TMPRSS11A: variants seen among roughly 807,000 people sequenced by gnomAD.
The protein encoded by TMPRSS11A is transmembrane protease serine 11A.
In TMPRSS11A, 53 loss-of-function variants were observed where a neutral mutation model predicts 58.9. The observed-to-expected ratio is 0.90, with a 90% CI of 0.72 to 1.13. The LOEUF (loss-of-function observed/expected upper bound fraction) is 1.13. Ranked by LOEUF, TMPRSS11A falls within the 50% of genes most tolerant of loss-of-function variation. The probability of loss-of-function intolerance (pLI) is 0.00; values close to 1 mark genes in which losing one functional copy is unlikely to be tolerated. For missense variants in TMPRSS11A, 493 were observed against 499.3 expected, an observed-to-expected ratio of 0.99 and a Z score of 0.12; for synonymous variants, 167 against 169.8, an observed-to-expected ratio of 0.98 and a Z score of 0.13.
chr4:67,945,095 T>C (rs1337992494), intron 2 of TMPRSS11A, among the ~76,000 whole-genome samples: 2 of 152,176 alleles, frequency 1.3e-5, no homozygotes, highest in Non-Finnish European at 2.9e-5. Context: ...GTGAATGTCC[T>C]TGTGAATTTT....
intron 7 of TMPRSS11A, among the ~76,000 whole-genome samples, chr4:67,921,155 A>G (rs1357957658): frequency 6.6e-6 from 1 of 152,168 alleles, no homozygotes; most frequent in African/African-American, 2.4e-5. Context: ...CAATGCTATA[A>G]AGATATTTGC....
At chr4:67,920,566 C>T (rs945239852) in intron 7 of TMPRSS11A, among the ~76,000 whole-genome samples, 9 of 134,676 alleles carry the variant, frequency 6.7e-5, no homozygotes, top group South Asian at 5.1e-4. Flanking sequence ...TTTATATATA[C>T]ACACACACAT....
rs1577855684 is a variant in TMPRSS11A at position 67,924,268 on chromosome 4, A to G, written c.482-102T>C. 9.5e-6 allele frequency: 9 copies of G among 943,076 alleles called. No individual in the cohort carries two copies. The East Asian group carries it at 2.2e-4, about 23-fold the overall frequency. The allele number at this position is 943,076 out of a possible 1,614,324, so 58.4% of individuals were successfully genotyped here. A position where few individuals can be genotyped will look rare whatever the true frequency, so the allele number is the denominator to read the frequency against. On this transcript the variant is annotated intron_variant, in intron 5 of 9. Coordinates refer to ENST00000508048, the MANE Select transcript of TMPRSS11A (RefSeq NM_001114387.2). ...GATACTGACCATATATGGATTCTAG[A>G]CAGTTGAACATATAGATTAATTAGG...
At chr4:67,948,645 A>G (rs1020166251) in intron 1 of TMPRSS11A, among the ~76,000 whole-genome samples, 2 of 152,220 alleles carry the variant, frequency 1.3e-5, no homozygotes, top group Non-Finnish European at 2.9e-5. Context: ...AAAATAATCT[A>G]GAGAACTGGC....
chr4:67,920,283 C>G (rs189536), intron 7 of TMPRSS11A, among the ~76,000 whole-genome samples: 13,900 of 152,024 alleles, frequency 0.091, 830 homozygotes, highest in African/African-American at 0.16. Flanking sequence ...CATCACATAT[C>G]TGCCTGCCTC....
intron 5 of TMPRSS11A, 64 bp downstream of exon 5, chr4:67,929,816 T>G: frequency 2.0e-4 from 263 of 1,318,608 alleles, no homozygotes; most frequent in Non-Finnish European, 2.5e-4. Context: ...CAAATAAATT[T>G]GAGATTCGTC....
intron 3 of TMPRSS11A, among the ~76,000 whole-genome samples, chr4:67,943,569 C>T (rs912309867): frequency 6.6e-6 from 1 of 152,114 alleles, no homozygotes; most frequent in Non-Finnish European, 1.5e-5. Flanking sequence ...ATTGCAAATG[C>T]TCTTTTATAA....
intron 3 of TMPRSS11A, 35 bp from the exon 4 acceptor site, chr4:67,932,095 A>C: frequency 8.1e-7 from 1 of 1,229,458 alleles, no homozygotes; most frequent in Non-Finnish European, 1.2e-6. Context: ...ATGTGTTAAT[A>C]ATATATTTTA....
At chr4:67,925,811 A>T (rs546125487) in intron 5 of TMPRSS11A, among the ~76,000 whole-genome samples, 20 of 152,346 alleles carry the variant, frequency 1.3e-4, no homozygotes, top group African/African-American at 4.8e-4. Flanking sequence ...TCTGAGCAGG[A>T]TGCAAGTTAG....
At chr4:67,924,309 T>C (rs1469434611) in intron 5 of TMPRSS11A, 143 bp from the exon 6 acceptor site, 5 of 733,384 alleles carry the variant, frequency 6.8e-6, no homozygotes, top group African/African-American at 1.7e-5. Flanking sequence ...GGCTATCTGA[T>C]ATAACAACAT....
chr4:67,930,355 G>C (rs140224184), intron 4 of TMPRSS11A, among the ~76,000 whole-genome samples: 1 of 152,276 alleles, frequency 6.6e-6, no homozygotes, highest in Non-Finnish European at 1.5e-5. Context: ...CTAATCAATT[G>C]TATATTTGAT....
At chr4:67,913,378 C>A (rs1174302812) in intron 9 of TMPRSS11A, among the ~76,000 whole-genome samples, 2 of 152,180 alleles carry the variant, frequency 1.3e-5, no homozygotes, top group Non-Finnish European at 2.9e-5. Context: ...GCCCCAATTA[C>A]AATCACTGTA....
At chr4:67,961,745 T>C (rs141737258) in intron 1 of TMPRSS11A, among the ~76,000 whole-genome samples, 1 of 152,176 alleles carries the variant, frequency 6.6e-6, no homozygotes, top group East Asian at 1.9e-4. Flanking sequence ...ACTCCTAGCC[T>C]CAAGTGATTT....
intron 1 of TMPRSS11A, 95 bp from the exon 2 acceptor site, chr4:67,946,666 C>A (rs535221696): frequency 2.8e-5 from 36 of 1,277,140 alleles, no homozygotes; most frequent in Middle Eastern, 2.0e-4. Context: ...TGTAGCCTAC[C>A]TTTCCCTGCA....
At chr4:67,945,384 C>T (rs1373432481) in intron 2 of TMPRSS11A, among the ~76,000 whole-genome samples, 2 of 152,054 alleles carry the variant, frequency 1.3e-5, no homozygotes, top group African/African-American at 4.8e-5. Flanking sequence ...GAGTGGGTTT[C>T]GAGACTACAA....
chr4:67,926,676 A>G (rs1238552921), intron 5 of TMPRSS11A, among the ~76,000 whole-genome samples: 1 of 152,110 alleles, frequency 6.6e-6, no homozygotes, highest in Non-Finnish European at 1.5e-5. Flanking sequence ...GCGTGGGGAG[A>G]AGGTGGACAG....
intron 1 of TMPRSS11A, among the ~76,000 whole-genome samples, chr4:67,952,155 AAC>A (rs1391145748): frequency 1.3e-5 from 2 of 152,198 alleles, no homozygotes; most frequent in African/African-American, 4.8e-5. Flanking sequence ...TTATTCTCCA[AAC>A]ACTGCTGTCA....
intron 1 of TMPRSS11A, 96 bp from the exon 2 acceptor site, chr4:67,946,667 T>C: frequency 7.9e-7 from 1 of 1,271,578 alleles, no homozygotes; most frequent in Non-Finnish European, 1.0e-6. Context: ...GTAGCCTACC[T>C]TTCCCTGCAA....
chr4:67,926,857 G>C (rs887676599), intron 5 of TMPRSS11A, among the ~76,000 whole-genome samples: 1 of 152,128 alleles, frequency 6.6e-6, no homozygotes, highest in Non-Finnish European at 1.5e-5. Context: ...GAGGTGACTG[G>C]GAGACCATGG....
Sources: allele counts gnomAD v4.1 joint callset (sites outside exome capture counted in the v4.1 genomes callset), GRCh38; gene constraint gnomAD v4.1.1; transcripts MANE v1.5; gene names NCBI Gene and HGNC (gene_info 2026-07-23, HGNC 2026-07-21).